ADARB2: variants seen among roughly 807,000 people sequenced by gnomAD.
ADARB2 encodes inactive double-stranded RNA-specific editase B2.
ADARB2 carries 25 observed loss-of-function variants against 62.2 expected under a neutral mutation model. The ratio of observed to expected loss-of-function variants is 0.40; its 90% CI spans 0.29 to 0.56. The LOEUF (loss-of-function observed/expected upper bound fraction) is 0.56. Ranked by LOEUF, ADARB2 falls within the 20% of genes least tolerant of loss-of-function variation. The probability of loss-of-function intolerance (pLI) is 0.43; values close to 1 mark genes in which losing one functional copy is unlikely to be tolerated. For missense variants in ADARB2, 1,071 were observed against 1,077.4 expected (o/e 0.99, Z 0.08); for synonymous variants, 572 against 500.8 (o/e 1.14, Z -1.90).
intron 1 of ADARB2, among the ~76,000 whole-genome samples, chr10:1,525,392 T>C (rs1209371589): frequency 6.6e-6 from 1 of 152,178 alleles, no homozygotes; most frequent in African/African-American, 2.4e-5. Flanking sequence ...TCTGAAAACA[T>C]TTATTTCACT....
intron 1 of ADARB2, among the ~76,000 whole-genome samples, chr10:1,575,245 T>TAA (rs78589386): frequency 4.6e-5 from 7 of 151,510 alleles, no homozygotes; most frequent in African/African-American, 7.3e-5. Context: ...TTTTGTTTCT[T>TAA]AAAAAAAAAT....
intron 3 of ADARB2, among the ~76,000 whole-genome samples, chr10:1,319,783 A>G (rs541400620): frequency 2.3e-4 from 35 of 152,366 alleles, no homozygotes; most frequent in African/African-American, 8.2e-4. Context: ...ACTTCTGGGA[A>G]TTAGACAGTA....
intron 1 of ADARB2, among the ~76,000 whole-genome samples, chr10:1,407,825 C>A (rs1832719962): frequency 6.6e-6 from 1 of 152,200 alleles, no homozygotes; most frequent in Non-Finnish European, 1.5e-5. Context: ...CCAGGCCCTC[C>A]TTCCCCTCTG....
chr10:1,236,922 C>A (rs1246207811), intron 5 of ADARB2, among the ~76,000 whole-genome samples: 4 of 35,848 alleles, frequency 1.1e-4, no homozygotes, highest in African/African-American at 3.7e-4. Context: ...TCCCCCCTGC[C>A]TCCCGGTGTT....
intron 1 of ADARB2, among the ~76,000 whole-genome samples, chr10:1,545,844 T>G (rs1385431676): frequency 6.6e-6 from 1 of 152,170 alleles, no homozygotes; most frequent in Non-Finnish European, 1.5e-5. Flanking sequence ...CGGCCAGTGC[T>G]AGTGGGCAGG....
chr10:1,362,939 C>T, intron 3 of ADARB2, 89 bp downstream of exon 3: 1 of 1,194,278 alleles, frequency 8.4e-7, no homozygotes, highest in Non-Finnish European at 1.1e-6. Context: ...CTCCGAGAAG[C>T]CTGGACGCCA....
chr10:1,643,518 A>C (rs886718151), intron 1 of ADARB2, among the ~76,000 whole-genome samples: 7 of 152,146 alleles, frequency 4.6e-5, no homozygotes, highest in Admixed American at 1.3e-4. Context: ...TTCATCCCCC[A>C]AAAAACAAAA....
At chr10:1,344,143 A>G (rs1832057116) in intron 3 of ADARB2, among the ~76,000 whole-genome samples, 1 of 152,186 alleles carries the variant, frequency 6.6e-6, no homozygotes. Flanking sequence ...CACCTGCCTC[A>G]CAGGATTTGG....
Position 1,271,060 on chromosome 10 carries a change from C to T in ADARB2, c.1087G>A (p.Asp363Asn). The change falls in exon 4 of 10, where the codon GAC becomes AAC. Residue 363 changes from aspartate to asparagine, a missense_variant. By Grantham distance (23) the Asp-to-Asn change is conservative. Transcript: ENST00000381312. The stretch of plus-strand genomic sequence containing the variant: ...TGTGTGACCAGCTGGGATATGGAGT[C>T]TGCGAATTCCTGAAAGACACAAGCA... The part of the protein sequence containing the change: ...RRTPMPQEFA[D>N]SISQLVTQKF... The T allele has an allele frequency of 6.2e-7, 1 of 1,613,852 alleles. No homozygotes were observed. The highest frequency in any genetic ancestry group is 8.5e-7 in the Non-Finnish European group (1 of 1,179,896).
intron 1 of ADARB2, among the ~76,000 whole-genome samples, chr10:1,634,890 A>T (rs1217922265): frequency 1.3e-5 from 2 of 152,138 alleles, no homozygotes; most frequent in Non-Finnish European, 2.9e-5. Flanking sequence ...CAGAACAAAC[A>T]TTTTTTAATT....
At chr10:1,663,651 GCT>G (rs1834278575) in intron 1 of ADARB2, among the ~76,000 whole-genome samples, 1 of 150,234 alleles carries the variant, frequency 6.7e-6, no homozygotes, top group African/African-American at 2.5e-5. Context: ...ACAGAGTCTC[GCT>G]CTGTCACCCA....
At chr10:1,647,738 A>G (rs1484240912) in intron 1 of ADARB2, among the ~76,000 whole-genome samples, 1 of 151,662 alleles carries the variant, frequency 6.6e-6, no homozygotes, top group Non-Finnish European at 1.5e-5. Context: ...GCATATGTGT[A>G]TATATGTATG....
intron 1 of ADARB2, among the ~76,000 whole-genome samples, chr10:1,720,801 A>G (rs1304012365): frequency 6.6e-6 from 1 of 152,172 alleles, no homozygotes; most frequent in African/African-American, 2.4e-5. Flanking sequence ...TGGGGGCAGC[A>G]ACTAATATCA....
chr10:1,417,003 T>C (rs1832810004), intron 1 of ADARB2, among the ~76,000 whole-genome samples: 1 of 152,064 alleles, frequency 6.6e-6, no homozygotes, highest in African/African-American at 2.4e-5. Context: ...TTTGAGAAAC[T>C]GTGTGGATGG....
At chr10:1,580,357 TGTG>T (rs756410865) in intron 1 of ADARB2, among the ~76,000 whole-genome samples, 6 of 152,120 alleles carry the variant, frequency 3.9e-5, no homozygotes, top group Non-Finnish European at 8.8e-5. Context: ...AGTGAGAAAA[TGTG>T]GTGTTTGGTT....
In ADARB2 at chr10:1,185,054, G is replaced by A. The variant is rs1194707105; in HGVS notation, c.1865-15C>T. On this transcript the variant is annotated splice_polypyrimidine_tract_variant and intron_variant, in intron 8 of 9. Transcript: ENST00000381312. The stretch of plus-strand genomic sequence containing the variant: ...GTCACTCACGCCTGTCGGGGAGATG[G>A]GGAAAGGCGGGCGTTAATATTCCTG... 1.2e-6 allele frequency: 2 copies of A among 1,605,572 alleles called. No individual in the cohort carries two copies. Among genetic ancestry groups the A allele is most frequent in the Non-Finnish European group, 1.7e-6 (2 of 1,175,436 alleles).
intron 3 of ADARB2, among the ~76,000 whole-genome samples, chr10:1,330,699 T>G (rs1171769285): frequency 1.3e-5 from 2 of 152,180 alleles, no homozygotes; most frequent in African/African-American, 4.8e-5. Context: ...CAACGATTCA[T>G]TAGCTAGGAC....
In ADARB2 at chr10:1,451,514, C is replaced by T. The variant is rs572288582; in HGVS notation, c.101-72354G>A. Among the ~76,000 whole-genome samples the T allele has an allele frequency of 8.5e-5, 13 of 152,168 alleles. No individual in the cohort carries two copies. In the South Asian group the frequency reaches 1.0e-3, roughly 12 times the overall value. ...GAACACAGCTGCAGAGAAGGGGACA[C>T]ACCTGTATGAGGAGGGGACACACCT... On this transcript the variant is annotated intron_variant, in intron 1 of 9. Transcript: ENST00000381312.
intron 1 of ADARB2, among the ~76,000 whole-genome samples, chr10:1,665,237 T>G (rs1264264599): frequency 6.6e-6 from 1 of 152,258 alleles, no homozygotes; most frequent in African/African-American, 2.4e-5. Context: ...CCCTAGATCT[T>G]TCCTTAATAT....
Sources: gnomAD v4.1 joint callset for allele counts (sites outside exome capture counted in the v4.1 genomes callset) on GRCh38, gnomAD v4.1.1 for gene constraint, MANE v1.5 for transcripts, NCBI Gene and HGNC (gene_info 2026-07-23, HGNC 2026-07-21) for gene names.